COMMD1: variants seen among roughly 807,000 people sequenced by gnomAD.
The protein encoded by COMMD1 is copper metabolism domain containing 1.
In COMMD1, 10 loss-of-function variants were observed where a neutral mutation model predicts 17.2. The ratio of observed to expected loss-of-function variants is 0.58; its 90% CI spans 0.36 to 0.99. The LOEUF (loss-of-function observed/expected upper bound fraction) is 0.99. Among genes scored for constraint, COMMD1 ranks in the 50% least tolerant of loss-of-function variants. The probability of loss-of-function intolerance (pLI) is 0.01; values close to 1 mark genes in which losing one functional copy is unlikely to be tolerated. For missense variants in COMMD1, 270 were observed against 231.8 expected, an observed-to-expected ratio of 1.17 and a Z score of -1.07; for synonymous variants, 97 against 91.6, an observed-to-expected ratio of 1.06 and a Z score of -0.34.
chr2:61,918,875 A>T (rs1670113689), intron 1 of COMMD1, among the ~76,000 whole-genome samples: 1 of 152,244 alleles, frequency 6.6e-6, no homozygotes, highest in African/African-American at 2.4e-5. Context: ...TTAATGTAGA[A>T]TGCAGTTTTT....
At chr2:62,043,617 T>G (rs943168447) in intron 2 of COMMD1, among the ~76,000 whole-genome samples, 2 of 152,202 alleles carry the variant, frequency 1.3e-5, no homozygotes, top group Admixed American at 1.3e-4. Context: ...GCCTAACTGA[T>G]TCTCTCCAGA....
chr2:62,117,290 C>T, intron 2 of COMMD1, among the ~76,000 whole-genome samples: 1 of 152,234 alleles, frequency 6.6e-6, no homozygotes, highest in East Asian at 1.9e-4. Flanking sequence ...GTTGCCTGTA[C>T]ATAAAGTGGT....
At chr2:62,121,387 A>C (rs1672741413) in intron 2 of COMMD1, among the ~76,000 whole-genome samples, 1 of 150,720 alleles carries the variant, frequency 6.6e-6, no homozygotes, top group African/African-American at 2.4e-5. Context: ...AAAAAAAAAA[A>C]AAAAAAAAAA....
At chr2:61,943,678 T>G (rs1026372851) in intron 1 of COMMD1, among the ~76,000 whole-genome samples, 1 of 152,132 alleles carries the variant, frequency 6.6e-6, no homozygotes, top group Non-Finnish European at 1.5e-5. Context: ...CTACTAAAAA[T>G]ACAAAAATCA....
intron 2 of COMMD1, among the ~76,000 whole-genome samples, chr2:62,074,964 A>G (rs1304957238): frequency 7.1e-6 from 1 of 141,444 alleles, no homozygotes; most frequent in Non-Finnish European, 1.5e-5. Flanking sequence ...ATCTCGGCTC[A>G]CTTCAACTAC....
intron 2 of COMMD1, among the ~76,000 whole-genome samples, chr2:62,018,668 A>T (rs1669521673): frequency 6.6e-6 from 1 of 152,230 alleles, no homozygotes; most frequent in African/African-American, 2.4e-5. Context: ...AATGACCTTG[A>T]CAGTCTTGAA....
At chr2:61,923,421 AATG>A (rs1405386831) in intron 1 of COMMD1, among the ~76,000 whole-genome samples, 1 of 152,126 alleles carries the variant, frequency 6.6e-6, no homozygotes, top group Non-Finnish European at 1.5e-5. Flanking sequence ...CATCTAGCTA[AATG>A]ATGAGAATTG....
At chr2:62,133,400 T>C (rs1018663753) in intron 2 of COMMD1, among the ~76,000 whole-genome samples, 2 of 152,192 alleles carry the variant, frequency 1.3e-5, no homozygotes, top group African/African-American at 4.8e-5. Flanking sequence ...TGCCATAGTA[T>C]CGTAGGGGAC....
At chr2:62,080,819 T>TTA (rs1396532745) in intron 2 of COMMD1, among the ~76,000 whole-genome samples, 11 of 152,036 alleles carry the variant, frequency 7.2e-5, no homozygotes, top group Admixed American at 6.5e-4. Context: ...ATTGGCTATA[T>TTA]TATATATATT....
At chr2:61,928,210 T>C (rs1194503435) in intron 1 of COMMD1, among the ~76,000 whole-genome samples, 1 of 152,138 alleles carries the variant, frequency 6.6e-6, no homozygotes, top group Non-Finnish European at 1.5e-5. Flanking sequence ...TTGCCTAGCC[T>C]GGAGTGCAGT....
At chr2:62,018,124 TC>T (rs1669507230) in intron 2 of COMMD1, among the ~76,000 whole-genome samples, 1 of 152,116 alleles carries the variant, frequency 6.6e-6, no homozygotes, top group Admixed American at 6.6e-5. Context: ...TTCAGGTACT[TC>T]CGTCTTCCCA....
At chr2:61,976,852 G>A (rs576588653) in intron 1 of COMMD1, among the ~76,000 whole-genome samples, 15 of 149,752 alleles carry the variant, frequency 1.0e-4, no homozygotes, top group Middle Eastern at 3.5e-3. Flanking sequence ...TTTTTGAGAC[G>A]GAGTCTCACT....
intron 1 of COMMD1, among the ~76,000 whole-genome samples, chr2:61,931,518 C>T (rs868830644): frequency 1.3e-5 from 2 of 152,214 alleles, no homozygotes; most frequent in Non-Finnish European, 2.9e-5. Flanking sequence ...GGCAGAGCCT[C>T]TAAAGGTGTC....
At chr2:61,960,326 A>G (rs1671307636) in intron 1 of COMMD1, among the ~76,000 whole-genome samples, 1 of 152,200 alleles carries the variant, frequency 6.6e-6, no homozygotes, top group African/African-American at 2.4e-5. Flanking sequence ...CTTTCTGAAT[A>G]CAGTGGCGGG....
chr2:61,952,505 G>C (rs1671084010), intron 1 of COMMD1, among the ~76,000 whole-genome samples: 1 of 151,942 alleles, frequency 6.6e-6, no homozygotes, highest in Non-Finnish European at 1.5e-5. Context: ...TCTTGACTCA[G>C]CTGGTCCTGT....
At chr2:61,989,333 G>A (rs1672184904) in intron 1 of COMMD1, among the ~76,000 whole-genome samples, 1 of 152,072 alleles carries the variant, frequency 6.6e-6, no homozygotes, top group East Asian at 1.9e-4. Context: ...TAACTTCTAT[G>A]GGTTTTGACG....
At chr2:61,979,294 T>G (rs1353978955) in intron 1 of COMMD1, among the ~76,000 whole-genome samples, 1 of 152,052 alleles carries the variant, frequency 6.6e-6, no homozygotes, top group Non-Finnish European at 1.5e-5. Context: ...CTGTCCAACA[T>G]GGTGAAACCC....
intron 1 of COMMD1, among the ~76,000 whole-genome samples, chr2:61,909,853 A>G (rs4672468): frequency 6.6e-6 from 1 of 152,110 alleles, no homozygotes; most frequent in African/African-American, 2.4e-5. Context: ...AACTGCCTGG[A>G]AATATATTTC....
intron 1 of COMMD1, among the ~76,000 whole-genome samples, chr2:61,890,105 C>G (rs1358418325): frequency 2.0e-5 from 3 of 152,176 alleles, no homozygotes; most frequent in African/African-American, 7.2e-5. Context: ...GTTGAATGTT[C>G]GCTCACAATT....
Sources: gnomAD v4.1 joint callset for allele counts (sites outside exome capture counted in the v4.1 genomes callset) on GRCh38, gnomAD v4.1.1 for gene constraint, MANE v1.5 for transcripts, NCBI Gene and HGNC (gene_info 2026-07-23, HGNC 2026-07-21) for gene names.